PTOV1: variants seen among roughly 807,000 people sequenced by gnomAD.
PTOV1 encodes the protein PTOV1 extended AT-hook containing adaptor protein, also known as prostate tumor-overexpressed gene 1 protein.
Under a neutral mutation model 58.0 loss-of-function variants are expected in PTOV1, and 20 were observed. That is an observed-to-expected ratio of 0.34 (90% CI 0.24 to 0.50). PTOV1 has a LOEUF of 0.50. Among genes scored for constraint, PTOV1 ranks in the 20% least tolerant of loss-of-function variants. PTOV1 has a pLI of 0.98. For missense variants in PTOV1, 593 were observed against 565.4 expected, an observed-to-expected ratio of 1.05 and a Z score of -0.50; for synonymous variants, 335 against 234.2, an observed-to-expected ratio of 1.43 and a Z score of -3.93.
At chr19:49,856,937 G>T (rs2074495458) in intron 5 of PTOV1, 38 bp from the exon 6 acceptor site, 2 of 1,609,066 alleles carry the variant, frequency 1.2e-6, no homozygotes, top group East Asian at 2.2e-5. Flanking sequence ...AGTGGCCCCG[G>T]GCAGTGACCA....
At chr19:49,860,379 TGTG>T in exon 12 of PTOV1, 2 of 462,318 alleles carry the variant, frequency 4.3e-6, no homozygotes, top group East Asian at 5.7e-5. Flanking sequence ...CCCTGGGGCA[TGTG>T]GGGGGGGTGG....
At chr19:49,858,149 G>A (rs769868353) in intron 9 of PTOV1, 35 bp downstream of exon 9, 16 of 1,606,356 alleles carry the variant, frequency 1.0e-5, no homozygotes, top group East Asian at 6.7e-5. Flanking sequence ...GAGCCTGCAC[G>A]CAGTAGCTCT....
Position 49,857,898 on chromosome 19 carries a change from C to A in PTOV1, c.805-6C>A. 11 of 1,613,412 alleles carry A rather than the reference C, an allele frequency of 6.8e-6. No homozygotes were observed. Among genetic ancestry groups the A allele is most frequent in the South Asian group, 1.1e-5 (1 of 91,014 alleles). On this transcript the variant is annotated splice_region_variant and splice_polypyrimidine_tract_variant and intron_variant, in intron 7 of 11. Coordinates refer to ENST00000391842, the Ensembl canonical transcript of PTOV1. The stretch of plus-strand genomic sequence containing the variant: ...TGAGGGCTCCTCTTTGCCTCTCCCC[C>A]AAAAGCCCAGGCCTGAGCCCAACAG...
intron 1 of PTOV1, chr19:49,852,154 G>C: frequency 1.1e-6 from 1 of 875,976 alleles, no homozygotes; most frequent in South Asian, 5.2e-5. Flanking sequence ...CTGTAAAACC[G>C]CACATCGCGA....
upstream of PTOV1, chr19:49,851,129 T>C (rs2122152302): frequency 7.5e-7 from 1 of 1,333,530 alleles, no homozygotes; most frequent in Non-Finnish European, 9.6e-7. Flanking sequence ...CGGACGCGCT[T>C]GGTACGCGCC....
At chr19:49,859,673 GA>G (rs1167466013) in intron 10 of PTOV1, among the ~76,000 whole-genome samples, 1 of 152,210 alleles carries the variant, frequency 6.6e-6, no homozygotes, top group Non-Finnish European at 1.5e-5. Context: ...TCGGGCTCCT[GA>G]GTTGAAGCCA....
In PTOV1 at chr19:49,857,302, C is replaced by T. The variant is rs527267391; in HGVS notation, c.714+172C>T. 39 of 943,186 alleles carry T rather than the reference C, an allele frequency of 4.1e-5. No homozygotes were observed. In the East Asian group the frequency reaches 4.8e-4, roughly 12 times the overall value. The allele number at this position is 943,186 out of a possible 1,614,324, so 58.4% of individuals were successfully genotyped here. On this transcript the variant is annotated intron_variant, in intron 6 of 11. Coordinates refer to ENST00000391842, the Ensembl canonical transcript of PTOV1. ...TTCCCACCAGGGCTCCATGGAAAAG[C>T]GGCCACTGGGCGGCTCTGCAGGGCT...
chr19:49,851,106 G>T, upstream of PTOV1: 1 of 1,370,486 alleles, frequency 7.3e-7, no homozygotes. Flanking sequence ...GGTACGCTCC[G>T]GCCACGCCCC....
exon 12 of PTOV1, chr19:49,860,485 GCAGCC>G: frequency 1.3e-6 from 1 of 765,728 alleles, no homozygotes; most frequent in Non-Finnish European, 2.0e-6. Flanking sequence ...TCGGGAAACT[GCAGCC>G]CAGCCTCAGG....
At chr19:49,854,848 C>T (rs762322759) in exon 4 of PTOV1, 5 of 1,613,312 alleles carry the variant, frequency 3.1e-6, no homozygotes, top group Non-Finnish European at 4.2e-6. Flanking sequence ...GACCAGTGGC[C>T]GCAGAAGCTG....
intron 5 of PTOV1, chr19:49,855,355 C>A (rs891571165): frequency 2.9e-5 from 14 of 490,084 alleles, no homozygotes; most frequent in East Asian, 2.2e-4. Flanking sequence ...GGGGCCAGCC[C>A]TGTTGGGGCC....
rs757884102 is a variant in PTOV1 at position 49,859,908 on chromosome 19, C to T, written c.1042-78C>T. ...TTAGGCTGTGCCTGGCTCATGGAGC[C>T]CACGGCATGATGCCGTGGTTGGAGG... On this transcript the variant is annotated intron_variant, in intron 10 of 11. Coordinates refer to ENST00000391842, the Ensembl canonical transcript of PTOV1. The T allele has an allele frequency of 1.7e-5, 25 of 1,502,904 alleles. No individual in the cohort carries two copies. In the South Asian group the frequency reaches 2.4e-4, roughly 14 times the overall value. 93.1% of individuals were successfully genotyped at this position (1,502,904 alleles called of 1,614,324 possible). A position where few individuals can be genotyped will look rare whatever the true frequency, so the allele number is the denominator to read the frequency against.
intron 3 of PTOV1, 31 bp from the exon 4 acceptor site, chr19:49,854,800 G>A (rs1002340336): frequency 6.2e-7 from 1 of 1,613,256 alleles, no homozygotes; most frequent in East Asian, 2.2e-5. Flanking sequence ...GGGGATCAGG[G>A]CAGCCCTTTC....
In PTOV1 at chr19:49,858,343, GC is replaced by G. The variant is rs34988576; in HGVS notation, c.937-205del. 52 of 690,660 alleles carry G rather than the reference GC, an allele frequency of 7.5e-5. No homozygotes were observed. The East Asian group carries it at 1.4e-3, about 19-fold the overall frequency. The allele number at this position is 690,660 out of a possible 1,614,324, so 42.8% of individuals were successfully genotyped here. On this transcript the variant is annotated intron_variant, in intron 9 of 11. Coordinates refer to ENST00000391842, the Ensembl canonical transcript of PTOV1. Reference sequence around the variant, plus strand: ...AGCGGGGCAGGGGCAGCCACGACCTGCACCTGGGGGGCTGCCAAGGGATCTG... The same window carrying G: ...AGCGGGGCAGGGGCAGCCACGACCTGACCTGGGGGGCTGCCAAGGGATCTG...
Position 49,857,676 on chromosome 19 carries a change from C to A in PTOV1, c.715-17C>A, listed in dbSNP as rs143982573. ...AGGAGCCTGGGCCCCTCTTCCCACC[C>A]CGTTCCCTTCCAACAGGCAGTGGGA... On this transcript the variant is annotated splice_polypyrimidine_tract_variant and intron_variant, in intron 6 of 11. Coordinates refer to ENST00000391842, the Ensembl canonical transcript of PTOV1. 4.7e-3 allele frequency: 7,633 copies of A among 1,611,550 alleles called. 27 individuals are homozygous for A. Among genetic ancestry groups the A allele is most frequent in the Non-Finnish European group, 4.7e-3 (5,544 of 1,178,402 alleles).
chr19:49,857,484 G>A, intron 6 of PTOV1: 1 of 626,120 alleles, frequency 1.6e-6, no homozygotes. Context: ...TGTGCACCAG[G>A]TGAGGGCCGG....
chr19:49,852,484 C>T (rs1246574020), intron 1 of PTOV1: 1 of 152,222 alleles, frequency 6.6e-6, no homozygotes, highest in Non-Finnish European at 1.5e-5. Flanking sequence ...AGATGGGCTT[C>T]CCTGTGCAAT....
intron 6 of PTOV1, chr19:49,857,370 G>A (rs767762052): frequency 2.5e-5 from 16 of 630,956 alleles, no homozygotes; most frequent in South Asian, 7.7e-5. Context: ...CCAGCGGAGC[G>A]GGGAGCTGGG....
chr19:49,859,499 G>A (rs963029733), intron 10 of PTOV1, among the ~76,000 whole-genome samples: 8 of 151,950 alleles, frequency 5.3e-5, no homozygotes, highest in Non-Finnish European at 8.8e-5. Flanking sequence ...TTGAACCCGG[G>A]AGGCAGAGGT....
Sources: allele counts gnomAD v4.1 joint callset (sites outside exome capture counted in the v4.1 genomes callset), GRCh38; gene constraint gnomAD v4.1.1; transcripts MANE v1.5; gene names NCBI Gene and HGNC (gene_info 2026-07-23, HGNC 2026-07-21).